The following DAP variants were observed in gnomAD, a reference collection of about 807,000 sequenced individuals.
The protein encoded by DAP is death associated protein.
Under a neutral mutation model 13.8 loss-of-function variants are expected in DAP, and 8 were observed. The observed-to-expected ratio is 0.58, with a 90% CI of 0.34 to 1.05. The LOEUF is 1.05. Ranked by LOEUF, DAP falls within the 50% of genes least tolerant of loss-of-function variation. The pLI is 0.03. For synonymous variants in DAP, 47 were observed against 47.5 expected (o/e 0.99, Z 0.04); for missense variants, 106 against 133.2 (o/e 0.80, Z 1.01).
At chr5:10,755,241 A>G (rs1236511895) in intron 1 of DAP, among the ~76,000 whole-genome samples, 7 of 152,180 alleles carry the variant, frequency 4.6e-5, no homozygotes, top group Admixed American at 3.9e-4. Context: ...CGAGCCAAGG[A>G]AAGTGGGCAG....
At chr5:10,696,564 A>G (rs1158635543) in intron 2 of DAP, among the ~76,000 whole-genome samples, 1 of 152,212 alleles carries the variant, frequency 6.6e-6, no homozygotes, top group Non-Finnish European at 1.5e-5. Flanking sequence ...TACTTTGTAG[A>G]ATAGGGAGTT....
chr5:10,748,115 A>T, intron 2 of DAP, 60 bp downstream of exon 2: 2 of 1,146,586 alleles, frequency 1.7e-6, no homozygotes, highest in Non-Finnish European at 2.7e-6. Flanking sequence ...AACAAATGTT[A>T]ATGCTTAACC....
chr5:10,741,750 G>A (rs1480498390), intron 2 of DAP, among the ~76,000 whole-genome samples: 1 of 152,194 alleles, frequency 6.6e-6, no homozygotes, highest in Non-Finnish European at 1.5e-5. Flanking sequence ...TCAAACACAC[G>A]TAGCACCTTC....
rs1419763390 is a variant in DAP at position 10,748,289 on chromosome 5, A to T, written c.56-18T>A. 6 of 1,608,414 alleles carry T rather than the reference A, an allele frequency of 3.7e-6. No homozygotes were observed. The highest frequency in any genetic ancestry group is 3.3e-5 in the Admixed American group (2 of 59,974). On this transcript the variant is annotated intron_variant, in intron 1 of 3. Transcript: ENST00000230895. ...AGCTTTCACTGAAATGAAAACAGAG[A>T]GTGTGGGATTAATGTGGAAATGGGG...
chr5:10,715,917 C>T (rs532881622), intron 2 of DAP, among the ~76,000 whole-genome samples: 27 of 152,324 alleles, frequency 1.8e-4, no homozygotes, highest in African/African-American at 6.3e-4. Context: ...GACAGGAAAC[C>T]TCTCGATAAT....
chr5:10,718,172 T>G (rs1447380525), intron 2 of DAP, among the ~76,000 whole-genome samples: 1 of 152,236 alleles, frequency 6.6e-6, no homozygotes, highest in Admixed American at 6.5e-5. Flanking sequence ...TACTGGACAC[T>G]GGCTCTGAGC....
At chr5:10,688,136 G>A (rs1362206545) in intron 2 of DAP, among the ~76,000 whole-genome samples, 7 of 151,924 alleles carry the variant, frequency 4.6e-5, no homozygotes, top group African/African-American at 1.7e-4. Flanking sequence ...GGCTGGTCTC[G>A]AACTCCTGGC....
intron 2 of DAP, among the ~76,000 whole-genome samples, chr5:10,688,272 C>A (rs188391413): frequency 9.1e-4 from 138 of 152,216 alleles, no homozygotes; most frequent in African/African-American, 3.2e-3. Flanking sequence ...AACCACCACC[C>A]CAATCAGTCA....
chr5:10,759,636 T>C lies in DAP; in HGVS notation c.55+1378A>G, dbSNP rs202182631. 3.3e-5 allele frequency among the ~76,000 whole-genome samples: 5 copies of C among 152,158 alleles called. No homozygotes were observed. In the East Asian group the frequency reaches 5.8e-4, roughly 18 times the overall value. On this transcript the variant is annotated intron_variant, in intron 1 of 3. Transcript: ENST00000230895. ...GAGCCTCCGTCACCACTGAAAAATA[T>C]TGCCTACTCTGGACTGCAACATATT... is the stretch of plus-strand genomic sequence containing the variant.
chr5:10,737,960 C>T (rs1218288279), intron 2 of DAP, among the ~76,000 whole-genome samples: 2 of 152,208 alleles, frequency 1.3e-5, no homozygotes, highest in African/African-American at 4.8e-5. Flanking sequence ...TGTAGAGACA[C>T]AGGGAGAAAC....
chr5:10,680,273 C>A lies in DAP; in HGVS notation c.*783G>T. The A allele has an allele frequency of 5.6e-6, 1 of 179,214 alleles. No individual in the cohort carries two copies. Among genetic ancestry groups the A allele is most frequent in the Non-Finnish European group, 1.2e-5 (1 of 84,874 alleles). The allele number at this position is 179,214 out of a possible 1,614,324, so 11.1% of individuals were successfully genotyped here. ...ATTCCTCCACCCTGGTCCGTGGTCACTTCCAGAACTCTGAAGTGGCTCAGG... is the reference window on the plus strand; with the variant it reads ...ATTCCTCCACCCTGGTCCGTGGTCAATTCCAGAACTCTGAAGTGGCTCAGG... On this transcript the variant is annotated 3_prime_UTR_variant, in exon 4 of 4. Transcript: ENST00000230895.
At chr5:10,736,373 T>A (rs1297072731) in intron 2 of DAP, among the ~76,000 whole-genome samples, 1 of 152,192 alleles carries the variant, frequency 6.6e-6, no homozygotes, top group East Asian at 1.9e-4. Context: ...GAGATGAGAA[T>A]GGCTTTGTCC....
intron 2 of DAP, among the ~76,000 whole-genome samples, chr5:10,705,663 G>A (rs568346802): frequency 1.7e-3 from 256 of 152,356 alleles, no homozygotes; most frequent in Non-Finnish European, 3.0e-3. Context: ...TTTGGTCTAA[G>A]ATGCTCTCTG....
chr5:10,684,891 G>A lies in DAP; in HGVS notation c.153-1320C>T, dbSNP rs562046012. Among the ~76,000 whole-genome samples, 4 of 152,288 alleles carry A rather than the reference G, an allele frequency of 2.6e-5. No individual in the cohort carries two copies. In the East Asian group the frequency reaches 7.7e-4, roughly 29 times the overall value. On this transcript the variant is annotated intron_variant, in intron 2 of 3. Transcript: ENST00000230895. The stretch of plus-strand genomic sequence containing the variant: ...GCGATCGATCGGGGACACTCACGGA[G>A]GTGGGTGGAGGGGAAGCATCTCCCT...
intron 2 of DAP, among the ~76,000 whole-genome samples, chr5:10,709,009 T>C (rs1413343491): frequency 6.6e-6 from 1 of 152,260 alleles, no homozygotes; most frequent in East Asian, 1.9e-4. Context: ...AAATAATTGA[T>C]ACGTTCATTA....
intron 2 of DAP, among the ~76,000 whole-genome samples, chr5:10,727,059 G>A (rs963297314): frequency 1.3e-5 from 2 of 152,224 alleles, no homozygotes; most frequent in Non-Finnish European, 2.9e-5. Flanking sequence ...TTTTAGGGAA[G>A]TGGAAGGGAA....
At position 10,761,164 on chromosome 5, in the gene DAP, AGCGG is replaced by A; in HGVS notation, c.-100_-97del. 1.5e-6 allele frequency: 1 copy of A among 681,964 alleles called. No homozygotes were observed. Among genetic ancestry groups the A allele is most frequent in the Non-Finnish European group, 2.0e-6 (1 of 507,772 alleles). 42.2% of individuals were successfully genotyped at this position (681,964 alleles called of 1,614,324 possible). A position where few individuals can be genotyped will look rare whatever the true frequency, so the allele number is the denominator to read the frequency against. Reference sequence around the variant, plus strand: ...GCTCAGGTGTGAGCGCCGGGGAGCGAGCGGGCGGGAGAACGACGCGCGCGCGTGG... The same window carrying A: ...GCTCAGGTGTGAGCGCCGGGGAGCGAGCGGGAGAACGACGCGCGCGCGTGG... On this transcript the variant is annotated 5_prime_UTR_variant, in exon 1 of 4. Coordinates refer to ENST00000230895, the MANE Select transcript of DAP (RefSeq NM_004394.3).
chr5:10,688,851 T>A (rs577022069), intron 2 of DAP, among the ~76,000 whole-genome samples: 42 of 151,822 alleles, frequency 2.8e-4, no homozygotes, highest in African/African-American at 9.4e-4. Context: ...GAGGCCTCCA[T>A]GTTGGGTGTT....
chr5:10,726,443 C>G (rs923175954), intron 2 of DAP, among the ~76,000 whole-genome samples: 2 of 152,254 alleles, frequency 1.3e-5, no homozygotes, highest in African/African-American at 4.8e-5. Flanking sequence ...CTCAGGCCCA[C>G]CCCAGCCCTG....
Sources: gnomAD v4.1 joint callset for allele counts (sites outside exome capture counted in the v4.1 genomes callset) on GRCh38, gnomAD v4.1.1 for gene constraint, MANE v1.5 for transcripts, NCBI Gene and HGNC (gene_info 2026-07-23, HGNC 2026-07-21) for gene names.